Variants in DMXL1 observed in about 807,000 individuals in gnomAD.
DMXL1 encodes Dmx like 1.
Under a neutral mutation model 319.2 loss-of-function variants are expected in DMXL1, and 99 were observed. The ratio of observed to expected loss-of-function variants is 0.31; its 90% CI spans 0.26 to 0.37. DMXL1 has a LOEUF of 0.37. DMXL1 is among the 10% of genes least tolerant of loss of function. The probability of loss-of-function intolerance (pLI) is 1.00; values close to 1 mark genes in which losing one functional copy is unlikely to be tolerated. For synonymous variants in DMXL1, 1,385 were observed against 1,235.2 expected (o/e 1.12, Z -2.54); for missense variants, 3,745 against 3,595.6 (o/e 1.04, Z -1.06).
At chr5:119,152,897 C>G (rs1345130316) in intron 19 of DMXL1, among the ~76,000 whole-genome samples, 1 of 152,092 alleles carries the variant, frequency 6.6e-6, no homozygotes, top group African/African-American at 2.4e-5. Flanking sequence ...CTTTGTTTCT[C>G]TCACTATTTT....
At chr5:119,188,049 C>T (rs925923712) in intron 28 of DMXL1, among the ~76,000 whole-genome samples, 5 of 152,170 alleles carry the variant, frequency 3.3e-5, no homozygotes, top group Non-Finnish European at 5.9e-5. Flanking sequence ...TTTCATGTCA[C>T]GTGACTGGAT....
chr5:119,159,002 A>C (rs934359137), intron 19 of DMXL1, among the ~76,000 whole-genome samples: 1 of 152,020 alleles, frequency 6.6e-6, no homozygotes, highest in Non-Finnish European at 1.5e-5. Context: ...AAAAAGAGGA[A>C]CTTTTCTTTC....
intron 15 of DMXL1, among the ~76,000 whole-genome samples, 180 bp downstream of exon 15, chr5:119,144,818 C>T (rs1199623480): frequency 1.3e-5 from 2 of 151,528 alleles, no homozygotes; most frequent in Non-Finnish European, 3.0e-5. Context: ...GTAATAAATA[C>T]GAACAAAATT....
At chr5:119,209,419 G>A (rs757297978) in intron 34 of DMXL1, among the ~76,000 whole-genome samples, 4 of 150,918 alleles carry the variant, frequency 2.7e-5, no homozygotes, top group Admixed American at 6.6e-5. Context: ...GTGTGATTGC[G>A]GCTCACTGCA....
intron 2 of DMXL1, among the ~76,000 whole-genome samples, chr5:119,100,070 T>C (rs1322129633): frequency 6.6e-6 from 1 of 152,136 alleles, no homozygotes; most frequent in East Asian, 1.9e-4. Flanking sequence ...AGAAATATTT[T>C]CTTCATTTAC....
chr5:119,239,129 T>A (rs1788291860), intron 41 of DMXL1, 49 bp downstream of exon 41: 2 of 1,585,910 alleles, frequency 1.3e-6, no homozygotes, highest in Admixed American at 1.7e-5. Context: ...TAGCTGAACT[T>A]TTTTTTATTG....
chr5:119,172,849 T>C (rs1359844628), intron 25 of DMXL1, among the ~76,000 whole-genome samples: 1 of 152,218 alleles, frequency 6.6e-6, no homozygotes, highest in Non-Finnish European at 1.5e-5. Flanking sequence ...TTACCCTCTT[T>C]AGTTACCTTA....
At chr5:119,072,699 A>G (rs1749900477) in intron 1 of DMXL1, among the ~76,000 whole-genome samples, 2 of 152,200 alleles carry the variant, frequency 1.3e-5, no homozygotes, top group African/African-American at 4.8e-5. Context: ...AGCATTTAAA[A>G]TGGTGGAGGC....
intron 34 of DMXL1, among the ~76,000 whole-genome samples, chr5:119,210,168 C>A (rs1782495837): frequency 1.3e-5 from 2 of 152,064 alleles, no homozygotes; most frequent in South Asian, 4.1e-4. Context: ...CCAGGCTGGT[C>A]TCAAACTCCT....
intron 32 of DMXL1, among the ~76,000 whole-genome samples, chr5:119,198,249 A>G (rs545759502): frequency 2.9e-4 from 44 of 152,240 alleles, no homozygotes; most frequent in African/African-American, 8.9e-4. Flanking sequence ...TCGGCCTCCC[A>G]AAGTGCTGGG....
Position 119,201,558 on chromosome 5 carries a change from TG to T in DMXL1, c.7746-1759del, listed in dbSNP as rs371445121. On this transcript the variant is annotated intron_variant, in intron 32 of 43. Transcript: ENST00000539542. ...TTTTGTTGTTACTTCTGCCAGGTTT[TG>T]GTATCAGGATAATGTTGACTTCATA... Among the ~76,000 whole-genome samples, 746 of 152,318 alleles carry T rather than the reference TG, an allele frequency of 4.9e-3. 7 individuals carry two copies. The highest frequency in any genetic ancestry group is 0.017 in the African/African-American group (692 of 41,560).
rs559597484 is a variant in DMXL1, at chr5:119,248,563, AATAT to A, written c.*1348_*1351del. On this transcript the variant is annotated 3_prime_UTR_variant, in exon 44 of 44. Transcript: ENST00000539542. ...CTTAAATATATTTTGTTTAATAGGA[AATAT>A]ATAATAATAGCATTTTATGTAATAA... 1.2e-4 allele frequency: 18 copies of A among 152,490 alleles called. No homozygotes were observed. The highest frequency in any genetic ancestry group is 1.9e-4 in the Non-Finnish European group (13 of 67,924). 9.4% of individuals were successfully genotyped at this position (152,490 alleles called of 1,614,324 possible).
At chr5:119,217,762 A>G (rs1783938194) in intron 35 of DMXL1, among the ~76,000 whole-genome samples, 1 of 152,166 alleles carries the variant, frequency 6.6e-6, no homozygotes, top group African/African-American at 2.4e-5. Flanking sequence ...TGTATATGTA[A>G]TATGTAATAC....
At chr5:119,114,649 G>T in intron 6 of DMXL1, 108 bp downstream of exon 6, 1 of 783,328 alleles carries the variant, frequency 1.3e-6, no homozygotes. Context: ...GAAAATAATA[G>T]TTTCCATTAA....
At chr5:119,232,846 A>C (rs1272934861) in intron 38 of DMXL1, among the ~76,000 whole-genome samples, 2 of 151,840 alleles carry the variant, frequency 1.3e-5, no homozygotes, top group African/African-American at 2.4e-5. Context: ...TACAAAAAAA[A>C]CAGATAACAT....
At chr5:119,216,122 A>AAAAAG (rs1451937133) in intron 34 of DMXL1, among the ~76,000 whole-genome samples, 1 of 148,564 alleles carries the variant, frequency 6.7e-6, no homozygotes, top group Admixed American at 6.7e-5. Flanking sequence ...AAAAAAAAAA[A>AAAAAG]GCAGGATAAT....
At chr5:119,107,596 T>A (rs1758638053) in intron 4 of DMXL1, among the ~76,000 whole-genome samples, 1 of 152,248 alleles carries the variant, frequency 6.6e-6, no homozygotes, top group African/African-American at 2.4e-5. Flanking sequence ...TACCATATTA[T>A]ATCTTACCTA....
At chr5:119,189,396 T>C (rs17144962) in intron 28 of DMXL1, among the ~76,000 whole-genome samples, 4,651 of 152,306 alleles carry the variant, frequency 0.031, 213 homozygotes, top group African/African-American at 0.11. Flanking sequence ...TGTTGGAAAT[T>C]TCCTATCGTG....
intron 43 of DMXL1, 33 bp from the exon 44 acceptor site, chr5:119,246,962 C>G (rs1418278564): frequency 6.6e-7 from 1 of 1,509,790 alleles, no homozygotes; most frequent in Admixed American, 1.8e-5. Flanking sequence ...CATCATCAAC[C>G]CTAATTTTCC....
Sources: gnomAD v4.1 joint callset for allele counts (sites outside exome capture counted in the v4.1 genomes callset) on GRCh38, gnomAD v4.1.1 for gene constraint, MANE v1.5 for transcripts, NCBI Gene and HGNC (gene_info 2026-07-23, HGNC 2026-07-21) for gene names.